ABCC4: variants seen among roughly 807,000 people sequenced by gnomAD.
ABCC4 encodes ATP-binding cassette sub-family C member 4.
In ABCC4, 102 loss-of-function variants were observed where a neutral mutation model predicts 168.5. The ratio of observed to expected loss-of-function variants is 0.61; its 90% CI spans 0.52 to 0.71. ABCC4 has a LOEUF of 0.71. ABCC4 is among the 30% of genes least tolerant of loss of function. The pLI is 0.00. For missense variants in ABCC4, 1,402 were observed against 1,605.8 expected, an observed-to-expected ratio of 0.87 and a Z score of 2.17; for synonymous variants, 617 against 590.7, an observed-to-expected ratio of 1.04 and a Z score of -0.65.
chr13:95,079,605 C>T (rs1046191945), intron 21 of ABCC4, among the ~76,000 whole-genome samples: 4 of 152,062 alleles, frequency 2.6e-5, no homozygotes, highest in South Asian at 2.1e-4. Flanking sequence ...GAGGCTGAGG[C>T]GGGTGGATCA....
chr13:95,022,959 A>G (rs2031177310), intron 30 of ABCC4, among the ~76,000 whole-genome samples: 1 of 152,236 alleles, frequency 6.6e-6, no homozygotes, highest in South Asian at 2.1e-4. Context: ...ACCAGAAGAA[A>G]TCTGAGGCTA....
At chr13:95,254,768 C>T (rs2040353309) in intron 1 of ABCC4, among the ~76,000 whole-genome samples, 1 of 151,960 alleles carries the variant, frequency 6.6e-6, no homozygotes, top group South Asian at 2.1e-4. Context: ...AAATTTTCTA[C>T]TCAGCACCTG....
At chr13:95,037,120 AC>A (rs1227277779) in intron 29 of ABCC4, among the ~76,000 whole-genome samples, 1 of 150,744 alleles carries the variant, frequency 6.6e-6, no homozygotes, top group African/African-American at 2.4e-5. Flanking sequence ...ATCCCAAATA[AC>A]CCCCCAAATA....
At chr13:95,277,803 G>A (rs972643383) in intron 1 of ABCC4, among the ~76,000 whole-genome samples, 1 of 152,094 alleles carries the variant, frequency 6.6e-6, no homozygotes, top group Non-Finnish European at 1.5e-5. Context: ...CTCTGTTTGC[G>A]CAGAGATCAC....
intron 1 of ABCC4, among the ~76,000 whole-genome samples, chr13:95,287,579 T>C (rs972666406): frequency 6.6e-6 from 1 of 151,694 alleles, no homozygotes; most frequent in Non-Finnish European, 1.5e-5. Flanking sequence ...AGGGCATGAC[T>C]TCGTCTCAAA....
chr13:95,055,412 G>A (rs377637870), intron 26 of ABCC4, among the ~76,000 whole-genome samples: 3 of 152,030 alleles, frequency 2.0e-5, no homozygotes, highest in South Asian at 2.1e-4. Context: ...CATTTAGTAC[G>A]AGTTTTAACC....
At position 95,059,745 on chromosome 13, in the gene ABCC4, A is replaced by T. The variant is rs978225877; in HGVS notation, c.3366+2959T>A. ...AAATAGAAACAGAAGTTAATGAGCC[A>T]AGTCCTTCTAGAATAGCGAGTAGCA... is the stretch of plus-strand genomic sequence containing the variant. On this transcript the variant is annotated intron_variant, in intron 26 of 30. Coordinates refer to ENST00000645237, the MANE Select transcript of ABCC4 (RefSeq NM_005845.5). Among the ~76,000 whole-genome samples, 5 of 152,334 alleles carry T rather than the reference A, an allele frequency of 3.3e-5. 1 individual carries two copies. Among genetic ancestry groups the T allele is most frequent in the African/African-American group, 1.2e-4 (5 of 41,578 alleles).
intron 3 of ABCC4, among the ~76,000 whole-genome samples, chr13:95,235,904 A>T (rs887137595): frequency 7.9e-5 from 12 of 152,196 alleles, no homozygotes; most frequent in African/African-American, 2.4e-4. Flanking sequence ...TCTCTTTATC[A>T]GCCATATTTT....
At chr13:95,124,352 T>A (rs1249912234) in intron 19 of ABCC4, among the ~76,000 whole-genome samples, 1 of 151,836 alleles carries the variant, frequency 6.6e-6, no homozygotes, top group Non-Finnish European at 1.5e-5. Context: ...TGGACAAGAT[T>A]TTTTCCTGAG....
intron 9 of ABCC4, 71 bp downstream of exon 9, chr13:95,194,764 TC>T: frequency 7.8e-7 from 1 of 1,279,554 alleles, no homozygotes; most frequent in African/African-American, 1.5e-5. Context: ...GTGTAACACC[TC>T]AAAATTCTCT....
Position 95,170,560 on chromosome 13 carries a change from G to A in ABCC4, c.1796C>T (p.Ala599Val), listed in dbSNP as rs2037432594. 6.8e-6 allele frequency: 11 copies of A among 1,611,810 alleles called. No homozygotes were observed. The highest frequency in any genetic ancestry group is 9.3e-6 in the Non-Finnish European group (11 of 1,179,464). The change falls in exon 14 of 31, where the codon GCT (alanine) becomes GTT (valine). Residue 599 changes from alanine (A) to valine (V), a missense_variant. Physicochemically the swap from Ala to Val is moderately conservative, Grantham distance 64 (BLOSUM62 0). Coordinates refer to ENST00000645237, the MANE Select transcript of ABCC4 (RefSeq NM_005845.5). Reference protein sequence around the residue: ...LVTHQLQYLKAASQILILKDG... With the variant: ...LVTHQLQYLKVASQILILKDG... ...TTTCAATATCAGAATCTGACTTGCA[G>A]CTTTGAGGTACTGCAACTGATGAGT...
At position 95,207,785 on chromosome 13, in the gene ABCC4, T is replaced by C; in HGVS notation, c.911+15A>G. The C allele has an allele frequency of 6.2e-7, 1 of 1,608,162 alleles. No homozygotes were observed. The highest frequency in any genetic ancestry group is 1.7e-4 in the Middle Eastern group (1 of 5,992). On this transcript the variant is annotated intron_variant, in intron 7 of 30. Coordinates refer to ENST00000645237, the MANE Select transcript of ABCC4 (RefSeq NM_005845.5). Reference sequence around the variant, plus strand: ...AAAAATACAAAAATATGGTACAATGTATACAAAAACTTACTTTCTCAAATT... The same window carrying C: ...AAAAATACAAAAATATGGTACAATGCATACAAAAACTTACTTTCTCAAATT...
intron 8 of ABCC4, among the ~76,000 whole-genome samples, chr13:95,197,654 G>C (rs373769894): frequency 1.1e-4 from 17 of 152,336 alleles, no homozygotes; most frequent in African/African-American, 4.1e-4. Flanking sequence ...GGAAGTATCA[G>C]ACGGCAGAAC....
At chr13:95,192,633 T>C (rs2038290756) in intron 9 of ABCC4, among the ~76,000 whole-genome samples, 1 of 152,094 alleles carries the variant, frequency 6.6e-6, no homozygotes, top group South Asian at 2.1e-4. Flanking sequence ...TGAAGTGTAT[T>C]AGAGCTGGGC....
chr13:95,062,617 C>A, intron 26 of ABCC4, 87 bp downstream of exon 26: 1 of 1,243,084 alleles, frequency 8.0e-7, no homozygotes, highest in Non-Finnish European at 1.1e-6. Context: ...ATCCTTTCAT[C>A]CAATTAAAAA....
At chr13:95,061,742 G>A (rs1332493572) in intron 26 of ABCC4, among the ~76,000 whole-genome samples, 2 of 151,826 alleles carry the variant, frequency 1.3e-5, no homozygotes, top group African/African-American at 4.8e-5. Flanking sequence ...AATATGTGGA[G>A]GTGTTAAAGT....
chr13:95,219,910 C>A (rs1202135939), intron 4 of ABCC4, among the ~76,000 whole-genome samples: 1 of 149,012 alleles, frequency 6.7e-6, no homozygotes, highest in Non-Finnish European at 1.5e-5. Context: ...GGCTGGAGTG[C>A]AATGGCATGA....
At chr13:95,146,335 G>A (rs1240942880) in intron 19 of ABCC4, among the ~76,000 whole-genome samples, 1 of 151,966 alleles carries the variant, frequency 6.6e-6, no homozygotes, top group East Asian at 1.9e-4. Context: ...AAAATAATCT[G>A]TATACCAAAC....
At chr13:95,140,214 T>C (rs1443103711) in intron 19 of ABCC4, among the ~76,000 whole-genome samples, 1 of 152,218 alleles carries the variant, frequency 6.6e-6, no homozygotes, top group African/African-American at 2.4e-5. Flanking sequence ...GGGCTCTACG[T>C]TTCCTCAACT....
Sources: allele counts gnomAD v4.1 joint callset (sites outside exome capture counted in the v4.1 genomes callset), GRCh38; gene constraint gnomAD v4.1.1; transcripts MANE v1.5; gene names NCBI Gene and HGNC (gene_info 2026-07-23, HGNC 2026-07-21).